STXBP6: variants seen among roughly 807,000 people sequenced by gnomAD.
STXBP6 encodes syntaxin binding protein 6, also known as syntaxin-binding protein 6.
A neutral mutation model predicts 26.9 loss-of-function variants in STXBP6; 21 were observed. That is an observed-to-expected ratio of 0.78 (90% confidence interval 0.55 to 1.12). The LOEUF (loss-of-function observed/expected upper bound fraction) is 1.12, where lower values mean the gene tolerates loss of function less well. Ranked by LOEUF, STXBP6 falls within the 50% of genes most tolerant of loss-of-function variation. STXBP6 has a pLI of 0.00. For synonymous variants in STXBP6, 97 were observed against 92.6 expected, an observed-to-expected ratio of 1.05 and a Z score of -0.27; for missense variants, 232 against 257.9, an observed-to-expected ratio of 0.90 and a Z score of 0.69.
chr14:24,855,646 T>C (rs2069302099), intron 4 of STXBP6, among the ~76,000 whole-genome samples: 1 of 152,126 alleles, frequency 6.6e-6, no homozygotes, highest in African/African-American at 2.4e-5. Flanking sequence ...GTTTTTCTAA[T>C]AAGGGAGCAG....
intron 1 of STXBP6, among the ~76,000 whole-genome samples, chr14:25,028,079 G>A (rs2075380566): frequency 6.6e-6 from 1 of 152,206 alleles, no homozygotes; most frequent in African/African-American, 2.4e-5. Flanking sequence ...AAGGTGAAGT[G>A]GCAAGTGCTG....
intron 2 of STXBP6, among the ~76,000 whole-genome samples, chr14:24,923,441 T>C (rs886126159): frequency 2.0e-5 from 3 of 152,200 alleles, no homozygotes; most frequent in African/African-American, 7.2e-5. Flanking sequence ...TTCTTTTTCA[T>C]GTTTCCTTAC....
intron 2 of STXBP6, among the ~76,000 whole-genome samples, chr14:24,875,293 T>A (rs1019374013): frequency 4.6e-5 from 7 of 152,226 alleles, no homozygotes; most frequent in Non-Finnish European, 7.3e-5. Flanking sequence ...CCCACTGTGA[T>A]GCCCCTTCTC....
rs565966372 is a variant in STXBP6 at position 24,853,836 on chromosome 14, A to G, written c.451+2100T>C. Reference sequence around the variant, plus strand: ...TGCATAATTTGGGGTTCACAAGGCAATGAAAGAAAGCTGAAGGGCTGGCTC... The same window carrying G: ...TGCATAATTTGGGGTTCACAAGGCAGTGAAAGAAAGCTGAAGGGCTGGCTC... On this transcript the variant is annotated intron_variant, in intron 4 of 5. Transcript: ENST00000323944. 9.9e-5 allele frequency among the ~76,000 whole-genome samples: 15 copies of G among 152,252 alleles called. No homozygotes were observed. The South Asian group carries it at 3.1e-3, about 32-fold the overall frequency.
At chr14:25,003,912 C>T (rs1014076704) in intron 1 of STXBP6, among the ~76,000 whole-genome samples, 1 of 152,214 alleles carries the variant, frequency 6.6e-6, no homozygotes, top group African/African-American at 2.4e-5. Flanking sequence ...TCAAGCAGCT[C>T]TCCCAGTTTA....
At chr14:24,881,899 C>T (rs1221045458) in intron 2 of STXBP6, among the ~76,000 whole-genome samples, 1 of 152,194 alleles carries the variant, frequency 6.6e-6, no homozygotes, top group African/African-American at 2.4e-5. Context: ...TGGGGAAGAT[C>T]TCCAATTTGC....
At chr14:24,912,459 A>AG (rs35503982) in intron 2 of STXBP6, among the ~76,000 whole-genome samples, 1 of 150,034 alleles carries the variant, frequency 6.7e-6, no homozygotes, top group African/African-American at 2.4e-5. Flanking sequence ...AAAAAAAAAA[A>AG]GTGAAATGCA....
At chr14:24,819,992 A>C (rs1285522483) in intron 4 of STXBP6, among the ~76,000 whole-genome samples, 1 of 152,340 alleles carries the variant, frequency 6.6e-6, no homozygotes. Flanking sequence ...AAGCCATTGC[A>C]TCTCAGAGGG....
At chr14:25,004,297 T>A (rs1341898772) in intron 1 of STXBP6, among the ~76,000 whole-genome samples, 1 of 152,222 alleles carries the variant, frequency 6.6e-6, no homozygotes, top group African/African-American at 2.4e-5. Flanking sequence ...ATTCCCAATA[T>A]TTAGCAAAGT....
At chr14:24,907,317 G>A (rs763289035) in intron 2 of STXBP6, among the ~76,000 whole-genome samples, 1 of 152,026 alleles carries the variant, frequency 6.6e-6, no homozygotes, top group African/African-American at 2.4e-5. Context: ...AAATAAACAA[G>A]TGAAAGGATA....
At chr14:25,018,742 A>ACATAG (rs1566566004) in intron 1 of STXBP6, among the ~76,000 whole-genome samples, 1 of 152,230 alleles carries the variant, frequency 6.6e-6, no homozygotes, top group Non-Finnish European at 1.5e-5. Context: ...CACACTGTAG[A>ACATAG]TGCTGAAGTC....
chr14:24,863,268 T>G (rs1399062020), intron 2 of STXBP6, among the ~76,000 whole-genome samples: 1 of 152,146 alleles, frequency 6.6e-6, no homozygotes, highest in African/African-American at 2.4e-5. Flanking sequence ...TAGGCATGTA[T>G]AAATCCATGA....
chr14:24,947,036 A>C (rs2073015392), intron 2 of STXBP6, among the ~76,000 whole-genome samples: 1 of 152,176 alleles, frequency 6.6e-6, no homozygotes, highest in South Asian at 2.1e-4. Context: ...CAATCTGAGA[A>C]AGTAAAGGCA....
intron 2 of STXBP6, among the ~76,000 whole-genome samples, chr14:24,894,782 G>C (rs1045020182): frequency 2.6e-5 from 4 of 152,180 alleles, no homozygotes; most frequent in Non-Finnish European, 4.4e-5. Context: ...CAAAGTGGTA[G>C]CTAGCAGACG....
At chr14:24,985,050 C>T (rs1397759992) in intron 1 of STXBP6, among the ~76,000 whole-genome samples, 1 of 152,226 alleles carries the variant, frequency 6.6e-6, no homozygotes, top group Non-Finnish European at 1.5e-5. Flanking sequence ...ATACTGTTAT[C>T]ACCCTAGCCC....
rs140925338 is a variant in STXBP6, at chr14:24,958,799, A to G, written c.154+15866T>C. Reference sequence around the variant, plus strand: ...AACAGAAGCCAAATTAAATGAAATCAATGTCCATTTAATAGAGTGTCCTCT... The same window carrying G: ...AACAGAAGCCAAATTAAATGAAATCGATGTCCATTTAATAGAGTGTCCTCT... On this transcript the variant is annotated intron_variant, in intron 2 of 5. Coordinates refer to ENST00000323944, the MANE Select transcript of STXBP6 (RefSeq NM_001394410.1). 3.3e-5 allele frequency among the ~76,000 whole-genome samples: 5 copies of G among 152,270 alleles called. No homozygotes were observed. In the East Asian group the frequency reaches 9.7e-4, roughly 29 times the overall value.
intron 2 of STXBP6, among the ~76,000 whole-genome samples, chr14:24,958,875 T>C (rs1293654835): frequency 6.6e-6 from 1 of 152,148 alleles, no homozygotes; most frequent in Non-Finnish European, 1.5e-5. Flanking sequence ...GCAAGAGTCC[T>C]TAAATATCAA....
In STXBP6 at chr14:24,889,471, C is replaced by T. The variant is rs539537889; in HGVS notation, c.155-32314G>A. Among the ~76,000 whole-genome samples the T allele has an allele frequency of 1.3e-3, 199 of 147,536 alleles. 2 individuals are homozygous for T. Among genetic ancestry groups the T allele is most frequent in the African/African-American group, 4.3e-3 (172 of 39,914 alleles). ...AGGAGATATACCTAATGCTAAATGA[C>T]GAGTTAATGGGTGCAGCACACCAAC... On this transcript the variant is annotated intron_variant, in intron 2 of 5. Transcript: ENST00000323944.
intron 4 of STXBP6, among the ~76,000 whole-genome samples, chr14:24,846,189 C>CT (rs34797425): frequency 5.3e-5 from 8 of 152,184 alleles, no homozygotes; most frequent in Admixed American, 5.2e-4. Context: ...ACTGAACTAT[C>CT]TTTCCCGCAA....
Sources: gnomAD v4.1 joint callset for allele counts (sites outside exome capture counted in the v4.1 genomes callset) on GRCh38, gnomAD v4.1.1 for gene constraint, MANE v1.5 for transcripts, NCBI Gene and HGNC (gene_info 2026-07-23, HGNC 2026-07-21) for gene names.